Variants in MCM5 observed in about 807,000 individuals in gnomAD.
MCM5 encodes the protein DNA replication licensing factor MCM5.
A neutral mutation model predicts 79.9 loss-of-function variants in MCM5; 46 were observed. The observed-to-expected ratio is 0.58, with a 90% CI of 0.45 to 0.74. The LOEUF is 0.74. MCM5 is among the 30% of genes least tolerant of loss of function. The pLI is 0.00. For missense variants in MCM5, 883 were observed against 1,017.0 expected, an observed-to-expected ratio of 0.87 and a Z score of 1.79; for synonymous variants, 404 against 390.5, an observed-to-expected ratio of 1.03 and a Z score of -0.41.
Position 35,424,380 on chromosome 22 carries a change from T to A in MCM5, c.*125T>A. On this transcript the variant is annotated 3_prime_UTR_variant, in exon 17 of 17. Coordinates refer to ENST00000216122, the MANE Select transcript of MCM5 (RefSeq NM_006739.4). ...CAGCCCTCGAACTTCCCAGGCACCC[T>A]CCTTTCTGCCCCAGAGGAAGGAGCT... 1 of 687,888 alleles carries A rather than the reference T, an allele frequency of 1.5e-6. No homozygotes were observed. Among genetic ancestry groups the A allele is most frequent in the South Asian group, 1.9e-5 (1 of 52,040 alleles). 42.6% of individuals were successfully genotyped at this position (687,888 alleles called of 1,614,324 possible).
At chr22:35,432,546 T>A in the MCM5 span, among the ~76,000 whole-genome samples, 1 of 152,164 alleles carries the variant, frequency 6.6e-6, no homozygotes. Flanking sequence ...TGGAAGTATC[T>A]CCTCCAACTT....
chr22:35,422,912 C>G (rs180762311), intron 15 of MCM5: 3 of 239,728 alleles, frequency 1.3e-5, no homozygotes, highest in African/African-American at 6.7e-5. Flanking sequence ...CAAGGGCCCG[C>G]AGGACTTGGT....
chr22:35,439,964 C>T, the MCM5 span, among the ~76,000 whole-genome samples: 9 of 152,242 alleles, frequency 5.9e-5, no homozygotes, highest in African/African-American at 2.2e-4. Flanking sequence ...CTGAGAAGAA[C>T]GTGAAAGTGA....
At chr22:35,405,135 C>T (rs553138867) in intron 4 of MCM5, among the ~76,000 whole-genome samples, 6 of 150,438 alleles carry the variant, frequency 4.0e-5, no homozygotes, top group East Asian at 2.0e-4. Context: ...AAGTGATTCT[C>T]CTGCCTCAGC....
chr22:35,451,171 A>G, the MCM5 span, among the ~76,000 whole-genome samples: 4 of 152,170 alleles, frequency 2.6e-5, no homozygotes, highest in Non-Finnish European at 5.9e-5. Context: ...GACTCCTCCC[A>G]TCACCTACAG....
In MCM5 at chr22:35,423,351, C is replaced by T. The variant is rs1601764723; in HGVS notation, c.2103+10C>T. On this transcript the variant is annotated intron_variant, in intron 16 of 16. Coordinates refer to ENST00000216122, the MANE Select transcript of MCM5 (RefSeq NM_006739.4). ...GGACTTCACCAAGCAGGTGAGCCTG[C>T]CTTGGAGTGGGGGTGTGAGCCGGCA... 3.1e-6 allele frequency: 5 copies of T among 1,588,416 alleles called. No individual in the cohort carries two copies. The highest frequency in any genetic ancestry group is 4.3e-6 in the Non-Finnish European group (5 of 1,162,700).
downstream of MCM5, among the ~76,000 whole-genome samples, chr22:35,427,440 T>C (rs1932785168): frequency 6.6e-6 from 1 of 152,180 alleles, no homozygotes; most frequent in Non-Finnish European, 1.5e-5. Context: ...TTTTGGGTGT[T>C]GTAACTATTA....
intron 14 of MCM5, among the ~76,000 whole-genome samples, chr22:35,420,545 C>T (rs879504683): frequency 1.1e-4 from 16 of 152,196 alleles, no homozygotes; most frequent in Non-Finnish European, 2.1e-4. Context: ...ATAGGAAGTT[C>T]ATTTCTCTTT....
At chr22:35,411,835 T>C (rs773853453) in intron 7 of MCM5, among the ~76,000 whole-genome samples, 1 of 152,194 alleles carries the variant, frequency 6.6e-6, no homozygotes, top group Non-Finnish European at 1.5e-5. Context: ...TGATTTGACA[T>C]GTTCACTTAC....
intron 5 of MCM5, 87 bp from the exon 6 acceptor site, chr22:35,408,321 G>T (rs576337813): frequency 1.0e-5 from 14 of 1,343,530 alleles, no homozygotes; most frequent in Non-Finnish European, 1.2e-5. Flanking sequence ...CGCTGGCAAC[G>T]TCTCCTTGCT....
intron 9 of MCM5, among the ~76,000 whole-genome samples, chr22:35,414,546 A>C (rs1932484069): frequency 6.6e-6 from 1 of 151,394 alleles, no homozygotes; most frequent in African/African-American, 2.4e-5. Flanking sequence ...TTAAGCCCAG[A>C]ACGGGGAGGT....
At chr22:35,404,550 C>T (rs1349983004) in intron 4 of MCM5, among the ~76,000 whole-genome samples, 1 of 152,152 alleles carries the variant, frequency 6.6e-6, no homozygotes, top group Non-Finnish European at 1.5e-5. Flanking sequence ...ATTTCACATA[C>T]CGGGCAAGAA....
At chr22:35,401,477 G>T in intron 2 of MCM5, 1 of 470,336 alleles carries the variant, frequency 2.1e-6, no homozygotes, top group Non-Finnish European at 4.4e-6. Context: ...GTGATTGTAC[G>T]ACCTGTGACA....
chr22:35,438,639 T>TCATCCATCCATCCACCCACATATTCATC, the MCM5 span, among the ~76,000 whole-genome samples: 1 of 97,104 alleles, frequency 1.0e-5, no homozygotes, highest in Non-Finnish European at 2.1e-5. Flanking sequence ...ACCCACATAT[T>TCATCCATCCATCCACCCACATATTCATC]CATCCATCCA....
the MCM5 span, among the ~76,000 whole-genome samples, chr22:35,438,456 TATTC>T: frequency 0.018 from 1,569 of 87,798 alleles, 14 homozygotes; most frequent in Middle Eastern, 0.036. Flanking sequence ...TCCATCCACA[TATTC>T]ATCCATCCAT....
At chr22:35,452,492 C>T in the MCM5 span, among the ~76,000 whole-genome samples, 4 of 152,180 alleles carry the variant, frequency 2.6e-5, no homozygotes, top group South Asian at 2.1e-4. Flanking sequence ...GGTGGGTGGC[C>T]GCCTCACGTT....
At chr22:35,437,882 A>G in the MCM5 span, among the ~76,000 whole-genome samples, 1 of 152,142 alleles carries the variant, frequency 6.6e-6, no homozygotes, top group African/African-American at 2.4e-5. Context: ...GAAAGTGTCA[A>G]TCTAGTCCTA....
In MCM5 at chr22:35,413,987, G is replaced by A. The variant is rs749954800; in HGVS notation, c.1203+1G>A. 4.4e-6 allele frequency: 7 copies of A among 1,608,630 alleles called. No homozygotes were observed. Among genetic ancestry groups the A allele is most frequent in the South Asian group, 1.1e-5 (1 of 90,982 alleles). On this transcript the variant is annotated splice_donor_variant, in intron 9 of 16. Coordinates refer to ENST00000216122, the MANE Select transcript of MCM5 (RefSeq NM_006739.4). LOFTEE classifies it high-confidence loss of function. ...TGTGGAGAAGTGTTCTCCCATTGGGGTGAGTGGCCTGGGATACCTTTGCCA... is the reference window on the plus strand; with the variant it reads ...TGTGGAGAAGTGTTCTCCCATTGGGATGAGTGGCCTGGGATACCTTTGCCA...
chr22:35,414,768 G>A (rs891628963), intron 9 of MCM5, among the ~76,000 whole-genome samples: 1 of 152,150 alleles, frequency 6.6e-6, no homozygotes, highest in African/African-American at 2.4e-5. Flanking sequence ...GAAAACTCAG[G>A]TACAGAATGG....
Sources: allele counts gnomAD v4.1 joint callset (sites outside exome capture counted in the v4.1 genomes callset), GRCh38; gene constraint gnomAD v4.1.1; transcripts MANE v1.5; gene names NCBI Gene and HGNC (gene_info 2026-07-23, HGNC 2026-07-21).